The following FGF14 variants were observed in gnomAD, a reference collection of about 807,000 sequenced individuals.
FGF14 encodes the protein fibroblast growth factor 14.
FGF14 carries 5 observed loss-of-function variants against 25.5 expected under a neutral mutation model. That is an observed-to-expected ratio of 0.20 (90% CI 0.10 to 0.41). The LOEUF (loss-of-function observed/expected upper bound fraction) is 0.41. Ranked by LOEUF, FGF14 falls within the 10% of genes least tolerant of loss-of-function variation. The pLI is 1.00. For synonymous variants in FGF14, 138 were observed against 118.3 expected (o/e 1.17, Z -1.08); for missense variants, 222 against 320.1 (o/e 0.69, Z 2.34).
chr13:102,077,531 T>A (rs970264746), intron 1 of FGF14, among the ~76,000 whole-genome samples: 1 of 152,190 alleles, frequency 6.6e-6, no homozygotes, highest in African/African-American at 2.4e-5. Flanking sequence ...AACAGGTATA[T>A]GAAAAATGTT....
intron 1 of FGF14, among the ~76,000 whole-genome samples, chr13:102,359,371 A>C (rs892430424): frequency 5.3e-5 from 8 of 152,298 alleles, no homozygotes; most frequent in African/African-American, 1.9e-4. Context: ...AACAGACAAG[A>C]ATATAAACTA....
At chr13:102,050,459 A>C (rs1449245338) in intron 1 of FGF14, among the ~76,000 whole-genome samples, 2 of 152,164 alleles carry the variant, frequency 1.3e-5, no homozygotes, top group Non-Finnish European at 2.9e-5. Context: ...AACACCTAGC[A>C]CCCTGTAAAC....
At chr13:102,010,461 G>A (rs576001792) in intron 1 of FGF14, among the ~76,000 whole-genome samples, 3 of 151,946 alleles carry the variant, frequency 2.0e-5, no homozygotes, top group South Asian at 4.2e-4. Context: ...GCCCAGAATC[G>A]GATTCCTGTT....
intron 1 of FGF14, among the ~76,000 whole-genome samples, chr13:102,031,639 A>G (rs2041213916): frequency 1.3e-5 from 2 of 151,818 alleles, no homozygotes; most frequent in African/African-American, 2.4e-5. Flanking sequence ...TAAACTCCCA[A>G]TACAGATATA....
intron 1 of FGF14, among the ~76,000 whole-genome samples, chr13:102,303,392 C>T (rs2055182246): frequency 6.6e-6 from 1 of 152,122 alleles, no homozygotes; most frequent in South Asian, 2.1e-4. Flanking sequence ...ATAAACACAC[C>T]ATGAGGATGG....
chr13:102,273,128 A>G (rs905771807), intron 1 of FGF14, among the ~76,000 whole-genome samples: 4 of 152,212 alleles, frequency 2.6e-5, no homozygotes, highest in African/African-American at 9.7e-5. Context: ...AATATAAGGG[A>G]CATCACTACA....
chr13:101,868,693 C>A lies in FGF14; in HGVS notation c.408+32G>T, dbSNP rs547320003. ...CCATTGTTATTTTACATGCATTGAA[C>A]GAATGGCCGAGATCTTTGGCGTCTT... On this transcript the variant is annotated intron_variant, in intron 3 of 4. Coordinates refer to ENST00000376143, the MANE Select transcript of FGF14 (RefSeq NM_004115.4). 12 of 1,311,832 alleles carry A rather than the reference C, an allele frequency of 9.1e-6. No individual in the cohort carries two copies. In the African/African-American group the frequency reaches 1.2e-4, roughly 13 times the overall value. 81.3% of individuals were successfully genotyped at this position (1,311,832 alleles called of 1,614,324 possible).
chr13:101,962,790 T>TTA (rs2036946398), intron 1 of FGF14, among the ~76,000 whole-genome samples: 1 of 152,212 alleles, frequency 6.6e-6, no homozygotes, highest in Non-Finnish European at 1.5e-5. Flanking sequence ...CACAATAATT[T>TTA]AGAGTACTGC....
intron 1 of FGF14, among the ~76,000 whole-genome samples, chr13:102,171,391 A>G (rs944602365): frequency 2.0e-5 from 3 of 152,204 alleles, no homozygotes; most frequent in African/African-American, 7.2e-5. Context: ...CATGCTTACC[A>G]TCATTAGAAA....
At chr13:101,760,026 A>G (rs2037916180) in intron 3 of FGF14, among the ~76,000 whole-genome samples, 1 of 152,140 alleles carries the variant, frequency 6.6e-6, no homozygotes, top group South Asian at 2.1e-4. Flanking sequence ...CCAACCCCTG[A>G]GCCTGCAAAA....
intron 3 of FGF14, among the ~76,000 whole-genome samples, chr13:101,753,298 GACACAC>G (rs3064705): frequency 0.011 from 1,552 of 145,846 alleles, 15 homozygotes; most frequent in African/African-American, 0.027. Flanking sequence ...CACACAGACA[GACACAC>G]ACACACACAC....
At chr13:102,161,638 A>AAGAAGAAGG in intron 1 of FGF14, among the ~76,000 whole-genome samples, 1 of 11,602 alleles carries the variant, frequency 8.6e-5, no homozygotes, top group Middle Eastern at 0.042. Context: ...GAAGAAGAAG[A>AAGAAGAAGG]AGAAGAAGAA....
intron 2 of FGF14, among the ~76,000 whole-genome samples, chr13:101,873,913 T>A (rs1356653916): frequency 2.0e-5 from 3 of 150,718 alleles, no homozygotes; most frequent in Non-Finnish European, 4.4e-5. Context: ...AATTTAAAAA[T>A]AAAAAAGAGT....
intron 1 of FGF14, among the ~76,000 whole-genome samples, chr13:102,154,038 G>A (rs1009383364): frequency 1.1e-4 from 17 of 152,284 alleles, no homozygotes; most frequent in African/African-American, 4.1e-4. Flanking sequence ...TCCAACTTCA[G>A]TATCTCTGAG....
upstream of FGF14, among the ~76,000 whole-genome samples, chr13:101,918,643 C>G (rs1159143758): frequency 6.6e-6 from 1 of 152,224 alleles, no homozygotes; most frequent in Non-Finnish European, 1.5e-5. Flanking sequence ...GGCTGGGCAC[C>G]TTCTGCTCTA....
At chr13:102,385,952 T>G (rs926155880) in intron 1 of FGF14, among the ~76,000 whole-genome samples, 1 of 152,154 alleles carries the variant, frequency 6.6e-6, no homozygotes, top group African/African-American at 2.4e-5. Context: ...TAATGTAATA[T>G]AGCGTTTAGG....
intron 1 of FGF14, among the ~76,000 whole-genome samples, chr13:101,894,287 C>T (rs2030275301): frequency 6.6e-6 from 1 of 152,048 alleles, no homozygotes; most frequent in Non-Finnish European, 1.5e-5. Context: ...AAAGGTAAAG[C>T]TTTAAATTCA....
chr13:101,863,692 G>T (rs1238374308), intron 3 of FGF14, among the ~76,000 whole-genome samples: 1 of 152,114 alleles, frequency 6.6e-6, no homozygotes, highest in Non-Finnish European at 1.5e-5. Context: ...TCTGAAGGAT[G>T]ATAGGTACCA....
At chr13:102,123,448 G>T (rs2045819872) in intron 1 of FGF14, among the ~76,000 whole-genome samples, 1 of 152,130 alleles carries the variant, frequency 6.6e-6, no homozygotes, top group East Asian at 1.9e-4. Context: ...AGAAATTTAG[G>T]TAACAGGCAG....
Sources: gnomAD v4.1 joint callset for allele counts (sites outside exome capture counted in the v4.1 genomes callset) on GRCh38, gnomAD v4.1.1 for gene constraint, MANE v1.5 for transcripts, NCBI Gene and HGNC (gene_info 2026-07-23, HGNC 2026-07-21) for gene names.